RBFOX2: variants seen among roughly 807,000 people sequenced by gnomAD.
The protein encoded by RBFOX2 is RNA binding fox-1 homolog 2.
RBFOX2 carries 10 observed loss-of-function variants against 49.1 expected under a neutral mutation model. That is an observed-to-expected ratio of 0.20 (90% CI 0.13 to 0.35). The LOEUF (loss-of-function observed/expected upper bound fraction) is 0.35. Ranked by LOEUF, RBFOX2 falls within the 10% of genes least tolerant of loss-of-function variation. The pLI, the probability that RBFOX2 is intolerant of heterozygous loss-of-function variation, is 1.00. For missense variants in RBFOX2, 323 were observed against 486.9 expected (o/e 0.66, Z 3.17); for synonymous variants, 183 against 187.4 (o/e 0.98, Z 0.19).
At chr22:35,987,552 T>C (rs567903409) in intron 1 of RBFOX2, among the ~76,000 whole-genome samples, 3 of 152,320 alleles carry the variant, frequency 2.0e-5, no homozygotes, top group Admixed American at 2.0e-4. Flanking sequence ...TAAAATTGAA[T>C]AGTAATTAAA....
At chr22:35,840,441 C>A in exon 1 of RBFOX2, 1 of 1,439,202 alleles carries the variant, frequency 6.9e-7, no homozygotes, top group South Asian at 1.5e-5. Flanking sequence ...AGCTCCCTCC[C>A]ATATCTCAGG....
intron 1 of RBFOX2, among the ~76,000 whole-genome samples, chr22:35,891,355 G>A (rs917828627): frequency 1.4e-4 from 21 of 152,064 alleles, no homozygotes; most frequent in Middle Eastern, 6.8e-3. Context: ...GAATGGTCTC[G>A]ATCTCCTGAC....
At chr22:35,836,860 T>C (rs1957771386) in intron 1 of RBFOX2, among the ~76,000 whole-genome samples, 2 of 152,264 alleles carry the variant, frequency 1.3e-5, no homozygotes, top group Non-Finnish European at 2.9e-5. Flanking sequence ...AATTTTGTTT[T>C]TCGAATTTTA....
In RBFOX2 at chr22:35,855,369, T is replaced by C. The variant is rs557489098; in HGVS notation, c.-33-45365A>G. On this transcript the variant is annotated intron_variant, in intron 1 of 13. Transcript: ENST00000359369. ...AATTCAGAAAATAGTCCTTCATGTA[T>C]ATTTCCATACATCTCTTTAGCAAAG... 2.6e-5 allele frequency among the ~76,000 whole-genome samples: 4 copies of C among 152,328 alleles called. No individual in the cohort carries two copies. The South Asian group carries it at 8.3e-4, about 32-fold the overall frequency.
chr22:35,761,023 T>C (rs894854760), intron 8 of RBFOX2, among the ~76,000 whole-genome samples, 179 bp downstream of exon 9: 5 of 152,166 alleles, frequency 3.3e-5, no homozygotes, highest in African/African-American at 1.2e-4. Flanking sequence ...GCAATCTTAA[T>C]ATTTGGTCAG....
At chr22:35,750,322 A>G in intron 9 of RBFOX2, 1 of 714,874 alleles carries the variant, frequency 1.4e-6, no homozygotes, top group Non-Finnish European at 2.3e-6. Flanking sequence ...TGAAGTCATG[A>G]AATAGCTGAT....
At chr22:35,985,886 A>G (rs1434849808) in intron 1 of RBFOX2, among the ~76,000 whole-genome samples, 52 of 139,026 alleles carry the variant, frequency 3.7e-4, no homozygotes, top group Non-Finnish European at 6.4e-4. Flanking sequence ...ATCTCTAGAT[A>G]GATAGATAGA....
chr22:36,023,667 A>G (rs1473447720), intron 1 of RBFOX2, among the ~76,000 whole-genome samples: 2 of 152,226 alleles, frequency 1.3e-5, no homozygotes, highest in Non-Finnish European at 2.9e-5. Context: ...CTTTGAGTAC[A>G]GTATTTCCAA....
chr22:35,808,737 TAG>T (rs1229844405), intron 2 of RBFOX2, among the ~76,000 whole-genome samples: 2 of 152,038 alleles, frequency 1.3e-5, no homozygotes, highest in Admixed American at 1.3e-4. Context: ...TAGTCCCAGC[TAG>T]ATGGGAGGCT....
chr22:35,878,041 CACACA>C (rs1452000372), intron 1 of RBFOX2, among the ~76,000 whole-genome samples: 3,846 of 64,026 alleles, frequency 0.06, 71 homozygotes, highest in Non-Finnish European at 0.092. Context: ...ACTACTACTA[CACACA>C]CACACACACA....
intron 1 of RBFOX2, among the ~76,000 whole-genome samples, chr22:35,881,485 G>A (rs2045888248): frequency 6.6e-6 from 1 of 151,856 alleles, no homozygotes; most frequent in Admixed American, 6.6e-5. Context: ...GAGGGGCTAA[G>A]GAAGGAGGAT....
chr22:35,897,705 C>T (rs1038310976), intron 1 of RBFOX2: 1 of 991,168 alleles, frequency 1.0e-6, no homozygotes, highest in African/African-American at 1.6e-5. Context: ...TAACTGCCTT[C>T]CAGCCCAAGG....
chr22:35,739,908 T>C (rs1341478997), exon 12 of RBFOX2: 1 of 152,616 alleles, frequency 6.6e-6, no homozygotes, highest in South Asian at 2.1e-4. Flanking sequence ...CCGTTACCAA[T>C]CCCTGCCAAC....
At chr22:35,788,995 T>C (rs1320692312) in intron 2 of RBFOX2, among the ~76,000 whole-genome samples, 3 of 152,188 alleles carry the variant, frequency 2.0e-5, no homozygotes, top group African/African-American at 7.2e-5. Context: ...TTGCTCCATT[T>C]TTCTGGGATA....
In RBFOX2 at chr22:35,919,482, G is replaced by A. The variant is rs1024775256; in HGVS notation, c.-34+19365C>T. ...TGGGAGGCGGAGGTTGCAGTGAGCC[G>A]AGATCATGCTACTGCACTCCAGCCT... On this transcript the variant is annotated intron_variant, in intron 1 of 13. Coordinates refer to the RBFOX2 transcript ENST00000359369. Among the ~76,000 whole-genome samples the A allele has an allele frequency of 3.3e-5, 5 of 151,380 alleles. No individual in the cohort carries two copies. The South Asian group carries it at 8.3e-4, about 25-fold the overall frequency.
chr22:35,945,519 C>T (rs1040917715), intron 1 of RBFOX2, among the ~76,000 whole-genome samples: 2 of 152,148 alleles, frequency 1.3e-5, no homozygotes, highest in Non-Finnish European at 2.9e-5. Context: ...TGGCTCATTG[C>T]AGCCTCGACC....
At chr22:35,969,980 T>C (rs1327492432) in intron 1 of RBFOX2, among the ~76,000 whole-genome samples, 4 of 152,184 alleles carry the variant, frequency 2.6e-5, no homozygotes, top group African/African-American at 7.2e-5. Context: ...TTGTAGGAGA[T>C]AACATGAGTC....
At chr22:35,852,133 T>C (rs574079675) in intron 1 of RBFOX2, among the ~76,000 whole-genome samples, 60 of 152,230 alleles carry the variant, frequency 3.9e-4, no homozygotes, top group African/African-American at 1.4e-3. Flanking sequence ...ATAATAATTA[T>C]TTACATAGCA....
chr22:35,929,496 GA>G (rs1313290890), intron 1 of RBFOX2, among the ~76,000 whole-genome samples: 1 of 151,660 alleles, frequency 6.6e-6, no homozygotes, highest in African/African-American at 2.4e-5. Context: ...TCACTATAAT[GA>G]AATATTATTT....
Sources: gnomAD v4.1 joint callset for allele counts (sites outside exome capture counted in the v4.1 genomes callset) on GRCh38, gnomAD v4.1.1 for gene constraint, MANE v1.5 for transcripts, NCBI Gene and HGNC (gene_info 2026-07-23, HGNC 2026-07-21) for gene names.